DZIP3: variants seen among roughly 807,000 people sequenced by gnomAD.
DZIP3 encodes the protein E3 ubiquitin-protein ligase DZIP3.
In DZIP3, 118 loss-of-function variants were observed where a neutral mutation model predicts 162.0. That is an observed-to-expected ratio of 0.73 (90% confidence interval 0.63 to 0.85). DZIP3 has a LOEUF of 0.85. Among genes scored for constraint, DZIP3 ranks in the 40% least tolerant of loss-of-function variants. The pLI is 0.00. For missense variants in DZIP3, 1,331 were observed against 1,407.0 expected, an observed-to-expected ratio of 0.95 and a Z score of 0.86; for synonymous variants, 438 against 458.6, an observed-to-expected ratio of 0.96 and a Z score of 0.57.
chr3:108,674,055 C>G (rs763923205), intron 23 of DZIP3, 23 bp from the exon 24 acceptor site: 1 of 1,558,392 alleles, frequency 6.4e-7, no homozygotes, highest in Non-Finnish European at 8.8e-7. Flanking sequence ...CAACTTCTTT[C>G]TCTTTCTCTC....
intron 4 of DZIP3, among the ~76,000 whole-genome samples, chr3:108,613,652 A>G (rs1226676748): frequency 1.3e-5 from 2 of 152,224 alleles, no homozygotes; most frequent in African/African-American, 4.8e-5. Flanking sequence ...TGAGACACAC[A>G]TGTATAAACA....
intron 1 of DZIP3, among the ~76,000 whole-genome samples, chr3:108,596,296 G>T (rs186397442): frequency 6.6e-6 from 1 of 152,274 alleles, no homozygotes; most frequent in African/African-American, 2.4e-5. Context: ...TTCTATTTAG[G>T]TTATGTTGTG....
intron 8 of DZIP3, 69 bp from the exon 9 acceptor site, chr3:108,632,884 G>A: frequency 2.2e-6 from 2 of 927,572 alleles, no homozygotes; most frequent in Non-Finnish European, 3.0e-6. Context: ...TAAAACATGG[G>A]TAGTCTTAAT....
chr3:108,595,763 C>T (rs1939681128), intron 1 of DZIP3, among the ~76,000 whole-genome samples: 1 of 152,162 alleles, frequency 6.6e-6, no homozygotes, highest in African/African-American at 2.4e-5. Flanking sequence ...TGAATGAAGA[C>T]TTGAATTATA....
At chr3:108,662,290 T>C (rs759843167) in intron 21 of DZIP3, 33 bp downstream of exon 21, 1 of 1,561,570 alleles carries the variant, frequency 6.4e-7, no homozygotes, top group South Asian at 1.2e-5. Flanking sequence ...AGGGAAATTC[T>C]GCGCCGTAAT....
chr3:108,617,037 G>A (rs1941055776), intron 5 of DZIP3, among the ~76,000 whole-genome samples: 2 of 152,186 alleles, frequency 1.3e-5, no homozygotes, highest in Admixed American at 1.3e-4. Flanking sequence ...ACTGCATGAT[G>A]TCATTTGAAT....
intron 26 of DZIP3, among the ~76,000 whole-genome samples, chr3:108,680,414 A>G (rs1409283947): frequency 2.6e-5 from 4 of 151,908 alleles, no homozygotes; most frequent in African/African-American, 9.7e-5. Flanking sequence ...CCACTTAAAA[A>G]CTCCTAAAAC....
intron 2 of DZIP3, among the ~76,000 whole-genome samples, chr3:108,606,285 T>C (rs138069806): frequency 3.3e-5 from 5 of 152,316 alleles, no homozygotes; most frequent in Admixed American, 1.3e-4. Context: ...AGCCCACCTC[T>C]ACCTCATATA....
intron 2 of DZIP3, among the ~76,000 whole-genome samples, chr3:108,606,341 A>G (rs1180738099): frequency 1.3e-5 from 2 of 152,170 alleles, no homozygotes; most frequent in African/African-American, 2.4e-5. Context: ...GGCTTGAACT[A>G]TCTCATATAA....
intron 1 of DZIP3, among the ~76,000 whole-genome samples, chr3:108,597,133 T>A (rs1255380909): frequency 2.6e-5 from 4 of 152,188 alleles, no homozygotes; most frequent in Non-Finnish European, 4.4e-5. Context: ...AAAAATTAAT[T>A]CTCCTTTTAC....
intron 31 of DZIP3, among the ~76,000 whole-genome samples, chr3:108,690,151 C>A (rs1576479365): frequency 6.6e-6 from 1 of 152,170 alleles, no homozygotes. Context: ...ATAATTCATT[C>A]AGGTCATTTT....
rs1172254363 is a variant in DZIP3, at chr3:108,662,169, C to A, written c.2335C>A (p.Gln779Lys). ...RQLRTVTFRWQENQMQIKKKD... is the reference protein window; with the variant it reads ...RQLRTVTFRWKENQMQIKKKD... ...GTTGAGAACAGTGACTTTTCGGTGG[C>A]AAGAAAACCAAATGCAGATTAAAAA... Residue 779 changes from glutamine to lysine, a missense_variant, in exon 21 of 33, where the codon CAA (glutamine) becomes AAA (lysine). Gln to Lys is a moderately conservative substitution (Grantham distance 53). Transcript: ENST00000361582. 1 of 1,606,686 alleles carries A rather than the reference C, an allele frequency of 6.2e-7. No homozygotes were observed. The highest frequency in any genetic ancestry group is 2.2e-5 in the East Asian group (1 of 44,716).
chr3:108,660,250 T>C (rs946546427), intron 19 of DZIP3, among the ~76,000 whole-genome samples: 3 of 152,172 alleles, frequency 2.0e-5, no homozygotes, highest in Non-Finnish European at 4.4e-5. Context: ...ACTACAAGGC[T>C]ACAGTAACGA....
chr3:108,591,978 CAAAAA>C (rs34569028), intron 1 of DZIP3, among the ~76,000 whole-genome samples: 1 of 110,376 alleles, frequency 9.1e-6, no homozygotes, highest in Admixed American at 9.4e-5. Context: ...GAGACCCTGT[CAAAAA>C]AAAAAAAAAA....
In DZIP3 at chr3:108,691,573, G is replaced by C. The variant is rs552943402; in HGVS notation, c.*6+670G>C. ...GATGTCCTTTTCCTCCAGGTATACA[G>C]TGGGTACCTCTAGAATGAGGGTCTT... is the stretch of plus-strand genomic sequence containing the variant. On this transcript the variant is annotated intron_variant, in intron 32 of 32. Coordinates refer to ENST00000361582, the MANE Select transcript of DZIP3 (RefSeq NM_014648.4). Among the ~76,000 whole-genome samples, 3 of 152,254 alleles carry C rather than the reference G, an allele frequency of 2.0e-5. No individual in the cohort carries two copies. In the South Asian group the frequency reaches 6.2e-4, roughly 32 times the overall value.
At position 108,648,051 on chromosome 3, in the gene DZIP3, A is replaced by G; in HGVS notation, c.1901A>G (p.Asn634Ser). Reference sequence around the variant, plus strand: ...CCTGAGATACAGTTTGCAGAAATTAATAAAGATGGGACCTCAATACCCAGT... The same window carrying G: ...CCTGAGATACAGTTTGCAGAAATTAGTAAAGATGGGACCTCAATACCCAGT... ...SHPEIQFAEI[N>S]KDGTSIPSES... The change falls in exon 16 of 33, where the codon AAT becomes AGT. Residue 634 changes from asparagine (N) to serine (S), a missense_variant. Transcript: ENST00000361582. 1.2e-6 allele frequency: 2 copies of G among 1,612,504 alleles called. No homozygotes were observed. The highest frequency in any genetic ancestry group is 1.7e-6 in the Non-Finnish European group (2 of 1,179,288).
At chr3:108,666,807 AG>A (rs1943699873) in intron 21 of DZIP3, among the ~76,000 whole-genome samples, 1 of 152,178 alleles carries the variant, frequency 6.6e-6, no homozygotes, top group African/African-American at 2.4e-5. Flanking sequence ...GGGTCAAAGA[AG>A]AGCTCTCAAG....
intron 24 of DZIP3, 39 bp downstream of exon 24, chr3:108,674,220 A>T (rs1456858869): frequency 5.8e-6 from 9 of 1,539,300 alleles, no homozygotes; most frequent in Non-Finnish European, 3.6e-6. Flanking sequence ...TTAATTTTAG[A>T]GATGTTAGCA....
intron 7 of DZIP3, among the ~76,000 whole-genome samples, chr3:108,626,280 T>C (rs72943589): frequency 0.036 from 5,537 of 152,316 alleles, 338 homozygotes; most frequent in African/African-American, 0.12. Context: ...TTAAGCCTTA[T>C]ATTTTTTTCT....
Sources: allele counts gnomAD v4.1 joint callset (sites outside exome capture counted in the v4.1 genomes callset), GRCh38; gene constraint gnomAD v4.1.1; transcripts MANE v1.5; gene names NCBI Gene and HGNC (gene_info 2026-07-23, HGNC 2026-07-21).